Variants in WDR70 observed in about 807,000 individuals in gnomAD.
WDR70 encodes WD repeat domain 70.
WDR70 carries 53 observed loss-of-function variants against 88.6 expected under a neutral mutation model. That is an observed-to-expected ratio of 0.60 (90% CI 0.48 to 0.75). The LOEUF (loss-of-function observed/expected upper bound fraction) is 0.75. Among genes scored for constraint, WDR70 ranks in the 30% least tolerant of loss-of-function variants. The pLI is 0.00. For synonymous variants in WDR70, 280 were observed against 270.0 expected (o/e 1.04, Z -0.36); for missense variants, 610 against 823.2 (o/e 0.74, Z 3.17).
chr5:37,401,673 G>A (rs1749199097), intron 5 of WDR70, among the ~76,000 whole-genome samples: 1 of 152,128 alleles, frequency 6.6e-6, no homozygotes, highest in African/African-American at 2.4e-5. Flanking sequence ...TCTTGGCCAT[G>A]CTGGTCTCAC....
intron 8 of WDR70, among the ~76,000 whole-genome samples, chr5:37,502,517 C>T (rs1168445275): frequency 2.0e-5 from 3 of 152,060 alleles, no homozygotes; most frequent in Non-Finnish European, 4.4e-5. Flanking sequence ...GGCATTTTAT[C>T]GGATGTTTTT....
intron 10 of WDR70, among the ~76,000 whole-genome samples, chr5:37,623,369 C>G (rs1290165243): frequency 6.6e-6 from 1 of 152,062 alleles, no homozygotes; most frequent in Non-Finnish European, 1.5e-5. Context: ...TATCCTCAAA[C>G]ATATAAAATC....
intron 7 of WDR70, among the ~76,000 whole-genome samples, chr5:37,457,483 G>A (rs772785404): frequency 1.4e-4 from 21 of 152,220 alleles, no homozygotes; most frequent in Non-Finnish European, 1.5e-4. Flanking sequence ...AGTGTAAATT[G>A]GCACTGTCTT....
intron 6 of WDR70, among the ~76,000 whole-genome samples, chr5:37,440,662 A>G (rs565186183): frequency 6.6e-6 from 1 of 152,228 alleles, no homozygotes; most frequent in African/African-American, 2.4e-5. Context: ...TCTGTTTTCT[A>G]TTTTTCTAAT....
At chr5:37,711,479 A>G (rs1581518978) in intron 13 of WDR70, among the ~76,000 whole-genome samples, 1 of 152,194 alleles carries the variant, frequency 6.6e-6, no homozygotes, top group Non-Finnish European at 1.5e-5. Context: ...TCTCATGTTT[A>G]GAGCCTACAT....
chr5:37,648,264 A>C (rs1349733260), intron 10 of WDR70, among the ~76,000 whole-genome samples: 1 of 152,132 alleles, frequency 6.6e-6, no homozygotes, highest in Non-Finnish European at 1.5e-5. Context: ...ATAGCCTCTG[A>C]GCTCTATGAA....
intron 8 of WDR70, among the ~76,000 whole-genome samples, chr5:37,481,020 A>G (rs1466547185): frequency 1.3e-5 from 2 of 152,216 alleles, no homozygotes; most frequent in South Asian, 2.1e-4. Flanking sequence ...GCAAATCTTA[A>G]AGCTCCAAAA....
chr5:37,658,515 G>T (rs1745617249), intron 10 of WDR70, among the ~76,000 whole-genome samples: 2 of 151,892 alleles, frequency 1.3e-5, no homozygotes, highest in South Asian at 2.1e-4. Context: ...TCCTTGCCTG[G>T]CAACCTTCTA....
At chr5:37,499,597 C>CTCTCTCTT (rs796576579) in intron 8 of WDR70, among the ~76,000 whole-genome samples, 8 of 50,358 alleles carry the variant, frequency 1.6e-4, no homozygotes, top group African/African-American at 2.4e-4. Flanking sequence ...TTCTCTCTCT[C>CTCTCTCTT]TCTCTCTCTC....
chr5:37,482,190 TC>T (rs919039623), intron 8 of WDR70, among the ~76,000 whole-genome samples: 19 of 152,290 alleles, frequency 1.2e-4, no homozygotes, highest in African/African-American at 4.6e-4. Flanking sequence ...TTCCAGCCTC[TC>T]CCTGTTACCC....
chr5:37,393,018 C>T (rs994461954), intron 4 of WDR70, among the ~76,000 whole-genome samples: 2 of 151,930 alleles, frequency 1.3e-5, no homozygotes, highest in African/African-American at 4.8e-5. Context: ...AGAAAATCAA[C>T]GTTTGTTTCA....
intron 9 of WDR70, among the ~76,000 whole-genome samples, chr5:37,600,329 C>T (rs1045993816): frequency 1.8e-4 from 27 of 151,952 alleles, no homozygotes; most frequent in African/African-American, 6.3e-4. Context: ...AGATCGAGAC[C>T]ATCCTGGCTA....
chr5:37,655,195 C>T (rs182141143), intron 10 of WDR70, among the ~76,000 whole-genome samples: 14 of 152,234 alleles, frequency 9.2e-5, no homozygotes, highest in East Asian at 1.9e-4. Flanking sequence ...ATTTCTCCTT[C>T]GCTTATGAAG....
At chr5:37,636,217 G>A (rs1359104820) in intron 10 of WDR70, among the ~76,000 whole-genome samples, 2 of 120,242 alleles carry the variant, frequency 1.7e-5, no homozygotes, top group African/African-American at 2.5e-5. Context: ...CCCTATGACC[G>A]AATCAGGGGC....
intron 17 of WDR70, among the ~76,000 whole-genome samples, chr5:37,730,557 C>A (rs1748117150): frequency 6.6e-6 from 1 of 152,014 alleles, no homozygotes; most frequent in African/African-American, 2.4e-5. Flanking sequence ...GCATAGTACT[C>A]CGTTGTACGA....
intron 8 of WDR70, among the ~76,000 whole-genome samples, chr5:37,483,656 C>T (rs930045613): frequency 4.6e-5 from 7 of 152,202 alleles, no homozygotes; most frequent in Non-Finnish European, 1.0e-4. Flanking sequence ...AGAGGGGCTC[C>T]TCACTTCCCA....
chr5:37,394,318 C>T (rs1385655055), intron 4 of WDR70, among the ~76,000 whole-genome samples: 1 of 150,828 alleles, frequency 6.6e-6, no homozygotes, highest in East Asian at 1.9e-4. Context: ...TGTTTTAAAC[C>T]AGTGCAGCTG....
At chr5:37,682,152 C>T (rs1746457102) in intron 10 of WDR70, among the ~76,000 whole-genome samples, 1 of 151,876 alleles carries the variant, frequency 6.6e-6, no homozygotes, top group Non-Finnish European at 1.5e-5. Flanking sequence ...CTGGTTTAGT[C>T]TTGGTAGGTT....
intron 5 of WDR70, among the ~76,000 whole-genome samples, chr5:37,432,822 G>A (rs181829581): frequency 4.4e-4 from 67 of 151,420 alleles, no homozygotes; most frequent in African/African-American, 1.3e-3. Context: ...CTTGGCCTCC[G>A]AAAGTGCTGG....
Sources: allele counts gnomAD v4.1 joint callset (sites outside exome capture counted in the v4.1 genomes callset), GRCh38; gene constraint gnomAD v4.1.1; transcripts MANE v1.5; gene names NCBI Gene and HGNC (gene_info 2026-07-23, HGNC 2026-07-21).